Variants in DRC4 observed in about 807,000 individuals in gnomAD.
DRC4 encodes the protein dynein regulatory complex subunit 4, also known as GAS-11.
chr16:90,031,057 G>A, the DRC4 span: 5 of 837,288 alleles, frequency 6.0e-6, no homozygotes, highest in Non-Finnish European at 8.8e-6. Context: ...TCTCAGGAAT[G>A]GATGAAAGGA....
the DRC4 span, chr16:90,035,684 C>G: frequency 6.2e-7 from 1 of 1,614,160 alleles, no homozygotes; most frequent in Non-Finnish European, 8.5e-7. Flanking sequence ...GAGGCAAGTT[C>G]GAGGTCAGTT....
the DRC4 span, chr16:90,044,428 G>A: frequency 3.9e-5 from 18 of 457,002 alleles, no homozygotes; most frequent in Middle Eastern, 3.4e-4. Flanking sequence ...AATGATGCCC[G>A]GCCAGCAGGA....
At chr16:90,027,434 C>G in the DRC4 span, among the ~76,000 whole-genome samples, 2 of 152,174 alleles carry the variant, frequency 1.3e-5, no homozygotes, top group South Asian at 4.1e-4. Flanking sequence ...AGGAAGGTTT[C>G]TCCTTTGTGC....
chr16:90,039,860 C>T, the DRC4 span: 362 of 228,746 alleles, frequency 1.6e-3, 3 homozygotes, highest in African/African-American at 7.7e-3. Context: ...ACATGTGATG[C>T]CAGGATCTGG....
At chr16:90,026,499 A>G in the DRC4 span, among the ~76,000 whole-genome samples, 10 of 152,148 alleles carry the variant, frequency 6.6e-5, no homozygotes, top group Non-Finnish European at 1.3e-4. Context: ...GATCGTGGTT[A>G]TGGAGGCATT....
At chr16:90,044,811 A>C in the DRC4 span, 1 of 274,800 alleles carries the variant, frequency 3.6e-6, no homozygotes, top group Non-Finnish European at 7.4e-6. Context: ...TGTCTTTAGG[A>C]AATCACAACA....
At chr16:90,041,680 A>G in the DRC4 span, among the ~76,000 whole-genome samples, 1 of 151,912 alleles carries the variant, frequency 6.6e-6, no homozygotes, top group Non-Finnish European at 1.5e-5. Flanking sequence ...GGCGGGTGTA[A>G]TCCCAGCTAT....
chr16:90,035,734 C>G, the DRC4 span: 2 of 1,613,992 alleles, frequency 1.2e-6, no homozygotes, highest in Non-Finnish European at 1.7e-6. Flanking sequence ...GACACCCCCG[C>G]CCCATCAGAG....
chr16:90,042,280 T>C, the DRC4 span: 1 of 642,438 alleles, frequency 1.6e-6, no homozygotes, highest in Non-Finnish European at 2.9e-6. Flanking sequence ...CCCAGTTCTC[T>C]GCTTCTTCCT....
chr16:90,024,159 A>C, the DRC4 span, among the ~76,000 whole-genome samples: 2 of 93,492 alleles, frequency 2.1e-5, no homozygotes, highest in East Asian at 3.2e-4. Context: ...CACACACACA[A>C]AATTAGCCGG....
chr16:90,035,537 G>C, the DRC4 span: 1 of 1,519,126 alleles, frequency 6.6e-7, no homozygotes, highest in Non-Finnish European at 9.1e-7. Context: ...AGGGAATATG[G>C]AGGTGACCAA....
chr16:90,022,713 G>T, the DRC4 span: 54 of 1,419,284 alleles, frequency 3.8e-5, 1 homozygote, highest in African/African-American at 6.5e-4. Flanking sequence ...GGGCCTGTCC[G>T]CTGGCGTCAT....
the DRC4 span, among the ~76,000 whole-genome samples, chr16:90,034,579 G>A: frequency 6.6e-6 from 1 of 152,068 alleles, no homozygotes; most frequent in Non-Finnish European, 1.5e-5. Flanking sequence ...CCGAGATTGT[G>A]CCACTGCACT....
chr16:90,023,240 G>C, the DRC4 span, among the ~76,000 whole-genome samples: 1 of 152,182 alleles, frequency 6.6e-6, no homozygotes, highest in Non-Finnish European at 1.5e-5. Context: ...GCCCGGACAG[G>C]TCCAGTGCCC....
At chr16:90,020,625 A>G in the DRC4 span, among the ~76,000 whole-genome samples, 6 of 152,380 alleles carry the variant, frequency 3.9e-5, no homozygotes, top group East Asian at 1.9e-4. Flanking sequence ...CTCGAATTCA[A>G]TATGAAAAGA....
the DRC4 span, chr16:90,037,703 A>C: frequency 6.6e-7 from 1 of 1,510,584 alleles, no homozygotes. Context: ...AGCCCGTGTT[A>C]CTTGGATGAC....
chr16:90,026,619 G>C, the DRC4 span, among the ~76,000 whole-genome samples: 1 of 152,198 alleles, frequency 6.6e-6, no homozygotes, highest in Non-Finnish European at 1.5e-5. Context: ...TCTTTCCTCT[G>C]TTTTGCATCC....
the DRC4 span, chr16:90,027,661 G>A: frequency 1.9e-6 from 3 of 1,614,092 alleles, no homozygotes. Flanking sequence ...GGGAAGAAAG[G>A]CAAAGCCAAA....
chr16:90,028,997 G>C, the DRC4 span: 3 of 1,305,230 alleles, frequency 2.3e-6, no homozygotes, highest in Admixed American at 2.3e-5. Context: ...GGTCAGGTTT[G>C]TGTTCTGGAA....
Sources: allele counts gnomAD v4.1 joint callset (sites outside exome capture counted in the v4.1 genomes callset), GRCh38; gene constraint gnomAD v4.1.1; transcripts MANE v1.5; gene names NCBI Gene and HGNC (gene_info 2026-07-23, HGNC 2026-07-21).